ARHGAP44: variants seen among roughly 807,000 people sequenced by gnomAD.
ARHGAP44 encodes the protein rho GTPase-activating protein 44.
A neutral mutation model predicts 106.8 loss-of-function variants in ARHGAP44; 43 were observed. That is an observed-to-expected ratio of 0.40 (90% confidence interval 0.32 to 0.52). ARHGAP44 has a LOEUF of 0.52. ARHGAP44 is among the 20% of genes least tolerant of loss of function. The pLI is 0.48. For missense variants in ARHGAP44, 866 were observed against 1,050.5 expected, an observed-to-expected ratio of 0.82 and a Z score of 2.43; for synonymous variants, 439 against 410.3, an observed-to-expected ratio of 1.07 and a Z score of -0.85.
chr17:12,883,285 C>T lies in ARHGAP44; in HGVS notation c.54-11655C>T, dbSNP rs531677005. Among the ~76,000 whole-genome samples the T allele has an allele frequency of 1.1e-3, 163 of 150,738 alleles. 1 individual carries two copies. The highest frequency in any genetic ancestry group is 3.9e-3 in the African/African-American group (159 of 41,276). ...TATTATTATTTACCTGTTTCTTTTT[C>T]ATTTTTTCTCTGAGTAAATCTTGTA... On this transcript the variant is annotated intron_variant, in intron 1 of 20. Transcript: ENST00000379672.
At chr17:12,916,581 C>T (rs1036658744) in intron 5 of ARHGAP44, among the ~76,000 whole-genome samples, 2 of 152,184 alleles carry the variant, frequency 1.3e-5, no homozygotes, top group Non-Finnish European at 2.9e-5. Context: ...GACGGGGTTT[C>T]ACCATGTTGG....
At chr17:12,977,389 A>T (rs2039711567) in intron 18 of ARHGAP44, among the ~76,000 whole-genome samples, 1 of 151,966 alleles carries the variant, frequency 6.6e-6, no homozygotes, top group Non-Finnish European at 1.5e-5. Flanking sequence ...CCCTCCCCTG[A>T]TGGCAGGCCC....
At chr17:12,948,951 C>T (rs1353434242) in intron 10 of ARHGAP44, among the ~76,000 whole-genome samples, 189 bp from the exon 11 acceptor site, 1 of 152,188 alleles carries the variant, frequency 6.6e-6, no homozygotes, top group East Asian at 1.9e-4. Flanking sequence ...AAAGCCAGTT[C>T]CTGCTCTGAA....
intron 1 of ARHGAP44, among the ~76,000 whole-genome samples, chr17:12,856,108 A>G (rs1380156963): frequency 1.3e-5 from 2 of 152,210 alleles, no homozygotes; most frequent in Admixed American, 1.3e-4. Context: ...GCTTCTCCAT[A>G]GCTGAGGGGC....
In ARHGAP44 at chr17:12,974,130, G is replaced by C; in HGVS notation, c.1583G>C (p.Arg528Thr). The change falls in exon 18 of 21, where the codon AGA (arginine) becomes ACA (threonine). Residue 528 changes from arginine (R) to threonine (T), a missense_variant. Arg to Thr is a moderately conservative substitution (Grantham distance 71, BLOSUM62 -1). Around this residue, in one of 2 missense-constraint regions of ARHGAP44, gnomAD observed 418 missense variants for 403.6 expected, o/e 1.04. Coordinates refer to ENST00000379672, the MANE Select transcript of ARHGAP44 (RefSeq NM_014859.6). ...RVMDTNWVARRGSSAGRKVSC... is the reference protein window; with the variant it reads ...RVMDTNWVARTGSSAGRKVSC... The stretch of plus-strand genomic sequence containing the variant: ...ATGGACACAAACTGGGTGGCTCGAA[G>C]AGGCTCCTCGGCCGGTCGGAAAGTG... 2 of 1,569,156 alleles carry C rather than the reference G, an allele frequency of 1.3e-6. No homozygotes were observed. The highest frequency in any genetic ancestry group is 8.6e-7 in the Non-Finnish European group (1 of 1,157,294).
chr17:12,878,941 A>G lies in ARHGAP44; in HGVS notation c.54-15999A>G, dbSNP rs72813174. ...AAAGAAGAGAGCTTATTCCTCTTTTATCAGCTATGTAGCTGCAATACTTGT... is the reference window on the plus strand; with the variant it reads ...AAAGAAGAGAGCTTATTCCTCTTTTGTCAGCTATGTAGCTGCAATACTTGT... On this transcript the variant is annotated intron_variant, in intron 1 of 20. Transcript: ENST00000379672. 4.2e-3 allele frequency among the ~76,000 whole-genome samples: 638 copies of G among 152,350 alleles called. 3 individuals are homozygous for G. Among genetic ancestry groups the G allele is most frequent in the Non-Finnish European group, 4.3e-3 (293 of 68,032 alleles).
intron 1 of ARHGAP44, among the ~76,000 whole-genome samples, chr17:12,861,012 A>C (rs994245612): frequency 6.6e-6 from 1 of 151,866 alleles, no homozygotes; most frequent in African/African-American, 2.4e-5. Flanking sequence ...ACGCACCACC[A>C]TGCCCAGCTA....
At chr17:12,904,579 A>G (rs1237503413) in intron 3 of ARHGAP44, among the ~76,000 whole-genome samples, 3 of 152,210 alleles carry the variant, frequency 2.0e-5, no homozygotes, top group South Asian at 2.1e-4. Flanking sequence ...TCTTCATTCA[A>G]TGATCTGTGT....
chr17:12,969,794 A>G (rs1248736607), intron 16 of ARHGAP44, among the ~76,000 whole-genome samples: 1 of 152,188 alleles, frequency 6.6e-6, no homozygotes, highest in Non-Finnish European at 1.5e-5. Context: ...GACATGCTAA[A>G]TACATCTCAG....
intron 1 of ARHGAP44, among the ~76,000 whole-genome samples, chr17:12,838,841 T>G (rs1021183552): frequency 3.3e-5 from 5 of 151,880 alleles, no homozygotes; most frequent in African/African-American, 9.7e-5. Flanking sequence ...GTGGCTAATT[T>G]TTGTGTGTGT....
At chr17:12,950,299 A>G (rs1196753346) in intron 12 of ARHGAP44, among the ~76,000 whole-genome samples, 2 of 152,142 alleles carry the variant, frequency 1.3e-5, no homozygotes, top group African/African-American at 4.8e-5. Context: ...ATATATTTTA[A>G]CAATAAGTAA....
At chr17:12,878,483 C>T (rs1422934227) in intron 1 of ARHGAP44, among the ~76,000 whole-genome samples, 2 of 152,202 alleles carry the variant, frequency 1.3e-5, no homozygotes, top group African/African-American at 4.8e-5. Context: ...ATGTCATCTA[C>T]ACAGCGCCTG....
At chr17:12,919,417 G>A (rs1316416401) in intron 5 of ARHGAP44, among the ~76,000 whole-genome samples, 3 of 126,802 alleles carry the variant, frequency 2.4e-5, no homozygotes, top group East Asian at 2.4e-4. Flanking sequence ...ACGGAGTCTC[G>A]CTCTGTCACA....
In ARHGAP44 at chr17:12,846,264, CT is replaced by C. The variant is rs34157935; in HGVS notation, c.54-48667del. 1.8e-4 allele frequency among the ~76,000 whole-genome samples: 28 copies of C among 151,562 alleles called. 1 individual carries two copies. Among genetic ancestry groups the C allele is most frequent in the Admixed American group, 9.2e-4 (14 of 15,198 alleles). ...GAAAACAAATTCATAAACATGTTAA[CT>C]TTTTTTTTAACAGTGTAAATTTAAA... is the stretch of plus-strand genomic sequence containing the variant. On this transcript the variant is annotated intron_variant, in intron 1 of 20. Coordinates refer to ENST00000379672, the MANE Select transcript of ARHGAP44 (RefSeq NM_014859.6).
chr17:12,949,528 C>A lies in ARHGAP44; in HGVS notation c.974-121C>A. Reference sequence around the variant, plus strand: ...CATTTCCATAGGAAGCTACCATTTGCTGTTGACATGGTGGTCAGGAGGCCC... The same window carrying A: ...CATTTCCATAGGAAGCTACCATTTGATGTTGACATGGTGGTCAGGAGGCCC... On this transcript the variant is annotated intron_variant, in intron 11 of 20. Transcript: ENST00000379672. This position sits in a 1 kb window ranked among gnomAD's most constrained non-coding sequence, Gnocchi z 4.1. 2.3e-6 allele frequency: 2 copies of A among 888,500 alleles called. No individual in the cohort carries two copies. The highest frequency in any genetic ancestry group is 3.5e-6 in the Non-Finnish European group (2 of 571,486). The allele number at this position is 888,500 out of a possible 1,614,324, so 55.0% of individuals were successfully genotyped here.
rs1281852078 is a variant in ARHGAP44, at chr17:12,974,221, G to A, written c.1674G>A (p.Ser558=). Residue 558 remains serine, a synonymous_variant, in exon 18 of 21, where the codon TCG becomes TCA. Coordinates refer to ENST00000379672, the MANE Select transcript of ARHGAP44 (RefSeq NM_014859.6). ...PPAELAAPLP[S]PLPEQPLDSP... ...CCGAGCTGGCTGCGCCCCTGCCTTC[G>A]CCGCTGCCGGAGCAGCCCCTGGACA... 3 of 1,546,342 alleles carry A rather than the reference G, an allele frequency of 1.9e-6. No individual in the cohort carries two copies. Among genetic ancestry groups the A allele is most frequent in the South Asian group, 1.2e-5 (1 of 83,834 alleles).
intron 1 of ARHGAP44, among the ~76,000 whole-genome samples, chr17:12,872,986 AT>A (rs1422267457): frequency 2.6e-5 from 4 of 151,778 alleles, no homozygotes; most frequent in South Asian, 2.1e-4. Flanking sequence ...TAACCATGCC[AT>A]TTTTTCCCCT....
chr17:12,923,472 A>C (rs970675495), intron 6 of ARHGAP44, among the ~76,000 whole-genome samples: 1 of 151,898 alleles, frequency 6.6e-6, no homozygotes, highest in Admixed American at 6.6e-5. Flanking sequence ...CTGCCTCAGC[A>C]TCCCAAAGTG....
At chr17:12,927,026 A>T (rs961714697) in intron 6 of ARHGAP44, among the ~76,000 whole-genome samples, 10 of 152,184 alleles carry the variant, frequency 6.6e-5, no homozygotes, top group Non-Finnish European at 1.5e-4. Flanking sequence ...TATCACTTGT[A>T]TAGGGTAAAC....
Sources: allele counts gnomAD v4.1 joint callset (sites outside exome capture counted in the v4.1 genomes callset), GRCh38; gene constraint gnomAD v4.1.1; regional missense constraint gnomAD v4.1.1; non-coding constraint Gnocchi (gnomAD v3.1); transcripts MANE v1.5; gene names NCBI Gene and HGNC (gene_info 2026-07-23, HGNC 2026-07-21).